The following DENND5A variants were observed in gnomAD, a reference collection of about 807,000 sequenced individuals.
The protein encoded by DENND5A is DENN domain containing 5A, also known as DENN domain-containing protein 5A.
A neutral mutation model predicts 140.3 loss-of-function variants in DENND5A; 64 were observed. The observed-to-expected ratio is 0.46, with a 90% CI of 0.37 to 0.56. DENND5A has a LOEUF of 0.56. Among genes scored for constraint, DENND5A ranks in the 20% least tolerant of loss-of-function variants. DENND5A has a pLI of 0.00. For synonymous variants in DENND5A, 605 were observed against 607.7 expected (o/e 1.00, Z 0.07); for missense variants, 1,292 against 1,593.8 (o/e 0.81, Z 3.22).
chr11:9,146,929 G>A, intron 16 of DENND5A, 101 bp downstream of exon 16: 1 of 1,361,892 alleles, frequency 7.3e-7, no homozygotes, highest in Non-Finnish European at 1.0e-6. Flanking sequence ...GAAAGTACAA[G>A]GGATAATCTT....
At chr11:9,192,202 G>A (rs1027515330) in intron 5 of DENND5A, among the ~76,000 whole-genome samples, 1 of 152,170 alleles carries the variant, frequency 6.6e-6, no homozygotes, top group Admixed American at 6.6e-5. Context: ...TCACAGACAT[G>A]GTCTAATTAT....
At chr11:9,173,553 T>C (rs1377298407) in intron 8 of DENND5A, among the ~76,000 whole-genome samples, 1 of 152,208 alleles carries the variant, frequency 6.6e-6, no homozygotes. Flanking sequence ...CAGGGTCTCA[T>C]CATGTGATCC....
intron 5 of DENND5A, among the ~76,000 whole-genome samples, chr11:9,189,648 GT>G (rs1849044535): frequency 6.7e-6 from 1 of 149,528 alleles, no homozygotes; most frequent in Non-Finnish European, 1.5e-5. Flanking sequence ...TTGTTTGTTT[GT>G]TTGTTTTTGA....
chr11:9,250,513 C>T (rs1851674336), intron 1 of DENND5A, among the ~76,000 whole-genome samples: 1 of 152,144 alleles, frequency 6.6e-6, no homozygotes, highest in African/African-American at 2.4e-5. Context: ...GCCACTGCTT[C>T]AGTTTTCCCA....
chr11:9,204,407 A>G lies in DENND5A; in HGVS notation c.292-90T>C, dbSNP rs183977561. 4.7e-6 allele frequency: 6 copies of G among 1,277,978 alleles called. No homozygotes were observed. In the African/African-American group the frequency reaches 5.9e-5, roughly 13 times the overall value. The allele number at this position is 1,277,978 out of a possible 1,614,324, so 79.2% of individuals were successfully genotyped here. On this transcript the variant is annotated intron_variant, in intron 3 of 22. Transcript: ENST00000328194. ...ATCACTATTTATTTATTTATAGAGC[A>G]CCTACTAAGCTGAGCGTGTATCTGG... is the stretch of plus-strand genomic sequence containing the variant.
chr11:9,261,154 A>G (rs1218755364), intron 1 of DENND5A, among the ~76,000 whole-genome samples: 2 of 152,176 alleles, frequency 1.3e-5, no homozygotes, highest in Non-Finnish European at 2.9e-5. Context: ...CCCAGCCTCC[A>G]TGTTTATTTG....
At chr11:9,242,052 C>T (rs1342040207) in intron 1 of DENND5A, among the ~76,000 whole-genome samples, 1 of 151,532 alleles carries the variant, frequency 6.6e-6, no homozygotes, top group Non-Finnish European at 1.5e-5. Context: ...ACATCTGTCT[C>T]CACCCTGCCC....
intron 22 of DENND5A, chr11:9,140,153 C>A (rs1434277347): frequency 2.1e-6 from 3 of 1,417,442 alleles, no homozygotes; most frequent in Non-Finnish European, 2.8e-6. Context: ...TCTCCTCCCA[C>A]AGCTACCACC....
At chr11:9,258,468 A>G (rs1214736335) in intron 1 of DENND5A, among the ~76,000 whole-genome samples, 1 of 152,036 alleles carries the variant, frequency 6.6e-6, no homozygotes, top group Non-Finnish European at 1.5e-5. Context: ...ATCCTTTTTT[A>G]TGGCTGCATA....
intron 1 of DENND5A, among the ~76,000 whole-genome samples, chr11:9,234,495 G>A (rs1850916207): frequency 6.6e-6 from 1 of 152,122 alleles, no homozygotes; most frequent in African/African-American, 2.4e-5. Context: ...TATGGAGAAA[G>A]TGGAAACCTT....
At chr11:9,146,167 C>T (rs1847425507) in intron 16 of DENND5A, among the ~76,000 whole-genome samples, 1 of 152,208 alleles carries the variant, frequency 6.6e-6, no homozygotes, top group East Asian at 1.9e-4. Flanking sequence ...AATCTATCAT[C>T]TCATGAACCC....
chr11:9,139,129 A>T lies in DENND5A; in HGVS notation c.*542T>A, dbSNP rs1847146036. 6.5e-6 allele frequency: 1 copy of T among 152,786 alleles called. No homozygotes were observed. The highest frequency in any genetic ancestry group is 2.4e-5 in the African/African-American group (1 of 41,456). The allele number at this position is 152,786 out of a possible 1,614,324, so 9.5% of individuals were successfully genotyped here. Reference sequence around the variant, plus strand: ...CATGTCTCCTTCCCAAACAATACTGACAAAAAAGAAAATACGTGGGACTGA... The same window carrying T: ...CATGTCTCCTTCCCAAACAATACTGTCAAAAAAGAAAATACGTGGGACTGA... On this transcript the variant is annotated 3_prime_UTR_variant, in exon 23 of 23. Transcript: ENST00000328194.
At position 9,231,769 on chromosome 11, in the gene DENND5A, C is replaced by T. The variant is rs1199391026; in HGVS notation, c.110-24137G>A. Among the ~76,000 whole-genome samples, 13 of 143,490 alleles carry T rather than the reference C, an allele frequency of 9.1e-5. No homozygotes were observed. In the Admixed American group the frequency reaches 9.2e-4, roughly 10 times the overall value. 94.1% of individuals were successfully genotyped at this position (143,490 alleles called of 152,430 possible). On this transcript the variant is annotated intron_variant, in intron 1 of 22. Coordinates refer to ENST00000328194, the MANE Select transcript of DENND5A (RefSeq NM_015213.4). ...CTTCCTGTTAGTTTACCCTCAGTAA[C>T]ATAAGAGAAAGTTTCCTTTACTTTT...
intron 3 of DENND5A, among the ~76,000 whole-genome samples, chr11:9,204,912 T>C (rs754600589): frequency 6.6e-6 from 1 of 152,094 alleles, no homozygotes; most frequent in Non-Finnish European, 1.5e-5. Context: ...GAAGGGTATT[T>C]TGGGGACAAG....
intron 1 of DENND5A, among the ~76,000 whole-genome samples, chr11:9,254,985 C>T (rs530502006): frequency 6.6e-6 from 1 of 151,970 alleles, no homozygotes; most frequent in African/African-American, 2.4e-5. Context: ...GCATGAGAAT[C>T]GCTTGAACCC....
At chr11:9,228,363 C>T (rs555107744) in intron 1 of DENND5A, among the ~76,000 whole-genome samples, 9 of 152,240 alleles carry the variant, frequency 5.9e-5, no homozygotes, top group Middle Eastern at 3.4e-3. Flanking sequence ...CCCACCACCA[C>T]CTGCAGAGAG....
At chr11:9,194,474 C>A (rs772362839) in intron 4 of DENND5A, among the ~76,000 whole-genome samples, 16 of 151,320 alleles carry the variant, frequency 1.1e-4, no homozygotes, top group Middle Eastern at 6.8e-3. Flanking sequence ...GAGGCTGAGA[C>A]GTAAGAATTG....
At chr11:9,255,754 A>G (rs1363251636) in intron 1 of DENND5A, among the ~76,000 whole-genome samples, 1 of 152,044 alleles carries the variant, frequency 6.6e-6, no homozygotes, top group African/African-American at 2.4e-5. Flanking sequence ...AGTCCCAGCT[A>G]CTTGGGAGGC....
At position 9,165,190 on chromosome 11, in the gene DENND5A, C is replaced by T. The variant is rs530184127; in HGVS notation, c.2283+646G>A. Among the ~76,000 whole-genome samples the T allele has an allele frequency of 1.2e-4, 19 of 152,002 alleles. No homozygotes were observed. The East Asian group carries it at 3.5e-3, about 28-fold the overall frequency. On this transcript the variant is annotated intron_variant, in intron 11 of 22. Coordinates refer to ENST00000328194, the MANE Select transcript of DENND5A (RefSeq NM_015213.4). The stretch of plus-strand genomic sequence containing the variant: ...AAATTTTTTGTGTCTTTAGTAGAGA[C>T]GGGGTTTTACCATGTTGGCCAGGCT...
Sources: gnomAD v4.1 joint callset for allele counts (sites outside exome capture counted in the v4.1 genomes callset) on GRCh38, gnomAD v4.1.1 for gene constraint, MANE v1.5 for transcripts, NCBI Gene and HGNC (gene_info 2026-07-23, HGNC 2026-07-21) for gene names.